NECTIN2: variants seen among roughly 807,000 people sequenced by gnomAD.
NECTIN2 encodes nectin-2.
Under a neutral mutation model 56.9 loss-of-function variants are expected in NECTIN2, and 23 were observed. That is an observed-to-expected ratio of 0.40 (90% CI 0.29 to 0.57). The LOEUF is 0.57. NECTIN2 is among the 20% of genes least tolerant of loss of function. The pLI, the probability that NECTIN2 is intolerant of heterozygous loss-of-function variation, is 0.38. For synonymous variants in NECTIN2, 302 were observed against 313.8 expected, an observed-to-expected ratio of 0.96 and a Z score of 0.40; for missense variants, 587 against 718.3, an observed-to-expected ratio of 0.82 and a Z score of 2.09.
intron 1 of NECTIN2, among the ~76,000 whole-genome samples, chr19:44,849,384 G>T (rs1261256160): frequency 6.6e-6 from 1 of 152,100 alleles, no homozygotes; most frequent in African/African-American, 2.4e-5. Flanking sequence ...GGACAGCAGA[G>T]GTGCCGTGAC....
Position 44,881,422 on chromosome 19 carries a change from A to G in NECTIN2, c.1043-789A>G, listed in dbSNP as rs566190639. Among the ~76,000 whole-genome samples, 49 of 152,078 alleles carry G rather than the reference A, an allele frequency of 3.2e-4. 1 individual carries two copies. The South Asian group carries it at 9.8e-3, about 30-fold the overall frequency. ...TACAAGGCAGGCCGAGCACGGCATA[A>G]TCCCAGAACGTTGGGAGGCCGAGGC... On this transcript the variant is annotated intron_variant, in intron 5 of 8. Coordinates refer to ENST00000252483, the MANE Select transcript of NECTIN2 (RefSeq NM_001042724.2).
chr19:44,852,134 C>T (rs1968906899), intron 1 of NECTIN2, among the ~76,000 whole-genome samples: 1 of 151,364 alleles, frequency 6.6e-6, no homozygotes, highest in Non-Finnish European at 1.5e-5. Flanking sequence ...TTTTTTGAGA[C>T]AAGAGTCTCA....
intron 1 of NECTIN2, among the ~76,000 whole-genome samples, chr19:44,852,525 T>TAA (rs1327632718): frequency 9.5e-6 from 1 of 105,270 alleles, no homozygotes; most frequent in African/African-American, 3.7e-5. Context: ...AGACTCCGTC[T>TAA]CAAAAAAAAA....
At chr19:44,876,646 C>CA (rs1198824196) in intron 5 of NECTIN2, among the ~76,000 whole-genome samples, 1 of 152,198 alleles carries the variant, frequency 6.6e-6, no homozygotes, top group Non-Finnish European at 1.5e-5. Flanking sequence ...CAGGCACACA[C>CA]AGAGTCGTCA....
At chr19:44,859,628 A>G in intron 1 of NECTIN2, among the ~76,000 whole-genome samples, 1 of 152,200 alleles carries the variant, frequency 6.6e-6, no homozygotes, top group East Asian at 1.9e-4. Flanking sequence ...GTTTGAAACC[A>G]GCCTGACCAA....
Position 44,874,140 on chromosome 19 carries a change from AGGGAGGAGG to A in NECTIN2, c.893+110_893+118del. On this transcript the variant is annotated intron_variant, in intron 4 of 8. Transcript: ENST00000252483. This position sits in a 1 kb window ranked among gnomAD's most constrained non-coding sequence, Gnocchi z 6.3. ...CTGGGGGCCTGGACTCCTGGATCTG[AGGGAGGAGG>A]GGCTGGGCCTAAATTCCTAAGTCCT... is the stretch of plus-strand genomic sequence containing the variant. The A allele has an allele frequency of 8.2e-7, 1 of 1,214,544 alleles. No individual in the cohort carries two copies. The highest frequency in any genetic ancestry group is 2.4e-5 in the East Asian group (1 of 42,132). The allele number at this position is 1,214,544 out of a possible 1,614,324, so 75.2% of individuals were successfully genotyped here. A position where few individuals can be genotyped will look rare whatever the true frequency, so the allele number is the denominator to read the frequency against.
At chr19:44,855,891 C>G (rs2927466) in intron 1 of NECTIN2, among the ~76,000 whole-genome samples, 34,176 of 152,078 alleles carry the variant, frequency 0.22, 3,974 homozygotes, top group Middle Eastern at 0.25. Flanking sequence ...TGTTGAGTAA[C>G]TATTTGTTTT....
intron 1 of NECTIN2, among the ~76,000 whole-genome samples, chr19:44,859,739 C>T (rs949839884): frequency 2.6e-5 from 4 of 151,654 alleles, no homozygotes; most frequent in African/African-American, 7.3e-5. Context: ...GCAGGAGAAT[C>T]GCTTGAACCC....
In NECTIN2 at chr19:44,882,418, T is replaced by C. The variant is rs1475154865; in HGVS notation, c.1196+54T>C. ...GGAGAGGGGTCGAAGAACTGAGGAG[T>C]ATGGGGTAGGGGTGAGGGTGGGAGA... On this transcript the variant is annotated intron_variant, in intron 6 of 8. Transcript: ENST00000252483. 11 of 1,324,370 alleles carry C rather than the reference T, an allele frequency of 8.3e-6. No homozygotes were observed. The East Asian group carries it at 3.4e-4, about 40-fold the overall frequency. The allele number at this position is 1,324,370 out of a possible 1,614,324, so 82.0% of individuals were successfully genotyped here.
intron 3 of NECTIN2, among the ~76,000 whole-genome samples, chr19:44,872,919 T>G (rs989063217): frequency 6.7e-6 from 1 of 148,966 alleles, no homozygotes; most frequent in Admixed American, 6.7e-5. Context: ...TATAATTACA[T>G]TATATTATAT....
intron 1 of NECTIN2, among the ~76,000 whole-genome samples, chr19:44,854,686 G>A (rs1018473783): frequency 1.3e-5 from 2 of 152,008 alleles, no homozygotes; most frequent in African/African-American, 4.8e-5. Flanking sequence ...GGTGGTACAT[G>A]CCTGTAATCC....
chr19:44,873,991 A>G lies in NECTIN2; in HGVS notation c.851A>G (p.Asp284Gly). ...CGTACTGATGCCACCCTGAGCTGTG[A>G]CGTCCGCAGCAACCCAGAGCCCACG... ...LGRTDATLSC[D>G]VRSNPEPTGY... Residue 284 changes from aspartate to glycine, a missense_variant, in exon 4 of 9, where the codon GAC (aspartate) becomes GGC (glycine). Coordinates refer to ENST00000252483, the MANE Select transcript of NECTIN2 (RefSeq NM_001042724.2). The G allele has an allele frequency of 1.2e-6, 2 of 1,613,954 alleles. No individual in the cohort carries two copies. Among genetic ancestry groups the G allele is most frequent in the Non-Finnish European group, 1.7e-6 (2 of 1,179,982 alleles).
rs181777738 is a variant in NECTIN2 at position 44,875,208 on chromosome 19, G to A, written c.1042+730G>A. Reference sequence around the variant, plus strand: ...TGTCACCAAGACACACACCCAGGAGGACAGTGGCACCAGCCAAGATAGACT... The same window carrying A: ...TGTCACCAAGACACACACCCAGGAGAACAGTGGCACCAGCCAAGATAGACT... On this transcript the variant is annotated intron_variant, in intron 5 of 8. Coordinates refer to ENST00000252483, the MANE Select transcript of NECTIN2 (RefSeq NM_001042724.2). The surrounding 1 kb of genome is among the most constrained non-coding windows in gnomAD (Gnocchi z 4.2). 2.4e-3 allele frequency among the ~76,000 whole-genome samples: 369 copies of A among 152,058 alleles called. 1 individual carries two copies. Among genetic ancestry groups the A allele is most frequent in the Non-Finnish European group, 4.3e-3 (293 of 68,022 alleles).
rs967923006 is a variant in NECTIN2, at chr19:44,871,943, C to T, written c.569C>T (p.Pro190Leu). The change falls in exon 3 of 9, where the codon CCA becomes CTA. Residue 190 changes from proline to leucine, a missense_variant. By Grantham distance (98) the Pro-to-Leu change is moderately conservative. Coordinates refer to ENST00000252483, the MANE Select transcript of NECTIN2 (RefSeq NM_001042724.2). ...VALCISKEGR[P>L]PARISWLSSL... ...CTCTGCATCTCCAAAGAGGGCCGCC[C>T]ACCTGCCCGGATCTCCTGGCTCTCA... The T allele has an allele frequency of 6.2e-7, 1 of 1,614,176 alleles. No individual in the cohort carries two copies. The highest frequency in any genetic ancestry group is 8.5e-7 in the Non-Finnish European group (1 of 1,180,034).
chr19:44,862,284 G>A (rs1182118272), intron 1 of NECTIN2, among the ~76,000 whole-genome samples: 4 of 69,122 alleles, frequency 5.8e-5, no homozygotes, highest in East Asian at 2.5e-4. Flanking sequence ...GTGTGGTGGC[G>A]GGCACCTGTA....
At chr19:44,882,442 G>T (rs1969318240) in intron 6 of NECTIN2, 78 bp downstream of exon 6, 2 of 1,249,250 alleles carry the variant, frequency 1.6e-6, no homozygotes, top group Admixed American at 4.1e-5. Context: ...GAGGGTGGGA[G>T]AAAATTCTCC....
intron 5 of NECTIN2, among the ~76,000 whole-genome samples, chr19:44,876,538 T>C (rs1027824856): frequency 6.6e-6 from 1 of 151,932 alleles, no homozygotes; most frequent in Admixed American, 6.6e-5. Context: ...AGAAATCCCG[T>C]CTCAAGCAGT....
chr19:44,882,690 C>CAAAAAAA (rs35741405), intron 6 of NECTIN2, among the ~76,000 whole-genome samples: 2 of 38,306 alleles, frequency 5.2e-5, no homozygotes, highest in African/African-American at 2.0e-4. Context: ...CCCCCATCTA[C>CAAAAAAA]AAAAAAAAAA....
chr19:44,856,329 C>T (rs56317818), intron 1 of NECTIN2, among the ~76,000 whole-genome samples: 37,541 of 152,112 alleles, frequency 0.25, 4,742 homozygotes, highest in Admixed American at 0.32. Flanking sequence ...TATTAGCCTC[C>T]TCCCCAACAC....
Sources: gnomAD v4.1 joint callset for allele counts (sites outside exome capture counted in the v4.1 genomes callset) on GRCh38, gnomAD v4.1.1 for gene constraint, Gnocchi (gnomAD v3.1) non-coding constraint, MANE v1.5 for transcripts, NCBI Gene and HGNC (gene_info 2026-07-23, HGNC 2026-07-21) for gene names.